SLFN11: variants seen among roughly 807,000 people sequenced by gnomAD.
SLFN11 encodes the protein schlafen family member 11.
SLFN11 carries 43 observed loss-of-function variants against 53.4 expected under a neutral mutation model. The observed-to-expected ratio is 0.80, with a 90% CI of 0.63 to 1.04. The LOEUF (loss-of-function observed/expected upper bound fraction) is 1.04. Ranked by LOEUF, SLFN11 falls within the 50% of genes least tolerant of loss-of-function variation. SLFN11 has a pLI of 0.00. For missense variants in SLFN11, 990 were observed against 1,079.1 expected, an observed-to-expected ratio of 0.92 and a Z score of 1.16; for synonymous variants, 389 against 394.7, an observed-to-expected ratio of 0.99 and a Z score of 0.17.
chr17:35,370,904 C>T (rs184720907), intron 1 of SLFN11, among the ~76,000 whole-genome samples: 1 of 152,188 alleles, frequency 6.6e-6, no homozygotes, highest in East Asian at 1.9e-4. Flanking sequence ...CCAAAGCAAT[C>T]TACAGATTCA....
chr17:35,370,951 C>T (rs1909572789), intron 1 of SLFN11, among the ~76,000 whole-genome samples: 2 of 152,008 alleles, frequency 1.3e-5, no homozygotes, highest in South Asian at 2.1e-4. Flanking sequence ...ACATTCTTCA[C>T]AGAAATAGAA....
In SLFN11 at chr17:35,362,946, G is replaced by A; in HGVS notation, c.862C>T (p.Gln288Ter). 6.2e-7 allele frequency: 1 copy of A among 1,613,162 alleles called. No homozygotes were observed. Among genetic ancestry groups the A allele is most frequent in the Non-Finnish European group, 8.5e-7 (1 of 1,179,670 alleles). Residue 288 changes from glutamine to a stop codon, truncating the protein, a stop_gained, in exon 4 of 7, where the codon CAA becomes TAA. Transcript: ENST00000685675. LOFTEE classifies it high-confidence loss of function. ...GTGAAGGTTATCGGGCGTTGGGGTT[G>A]GCAAAAATGAACACAAGGTAGTTTG... is the stretch of plus-strand genomic sequence containing the variant. ...IYKLPCVHFC[Q>*]PQRPITFTLK...
At chr17:35,367,191 C>A (rs1046529024) in intron 2 of SLFN11, 128 bp from the exon 3 acceptor site, 1 of 152,004 alleles carries the variant, frequency 6.6e-6, no homozygotes, top group African/African-American at 2.4e-5. Flanking sequence ...ATTGAAACAT[C>A]TTTGTCAAGT....
At chr17:35,354,983 G>A (rs765791055) in intron 5 of SLFN11, among the ~76,000 whole-genome samples, 1 of 152,060 alleles carries the variant, frequency 6.6e-6, no homozygotes. Context: ...GACAGTAGGA[G>A]ATAGCATCTA....
Position 35,353,668 on chromosome 17 carries a change from C to T in SLFN11, c.1590G>A (p.Val530=). The change falls in exon 6 of 7, where the codon GTG becomes GTA. Residue 530 remains valine, a synonymous_variant. Transcript: ENST00000685675. ...AGGACGCAGGGTAATCCATCGGAGACACTGCAGCCTCCAAGGCCTCTGCGC... is the reference window on the plus strand; with the variant it reads ...AGGACGCAGGGTAATCCATCGGAGATACTGCAGCCTCCAAGGCCTCTGCGC... ...ESSAEALEAA[V]SPMDYPASYS... The T allele has an allele frequency of 8.2e-7, 1 of 1,215,966 alleles. No individual in the cohort carries two copies. The highest frequency in any genetic ancestry group is 1.1e-6 in the Non-Finnish European group (1 of 901,422). 75.3% of individuals were successfully genotyped at this position (1,215,966 alleles called of 1,614,324 possible). A position where few individuals can be genotyped will look rare whatever the true frequency, so the allele number is the denominator to read the frequency against.
chr17:35,368,745 T>A (rs1261846621), intron 1 of SLFN11, among the ~76,000 whole-genome samples: 3 of 151,900 alleles, frequency 2.0e-5, no homozygotes, highest in African/African-American at 7.3e-5. Context: ...TTCCTTCCAT[T>A]TGAGGAGAGA....
intron 5 of SLFN11, among the ~76,000 whole-genome samples, chr17:35,356,375 T>A (rs2141939587): frequency 6.6e-6 from 1 of 152,276 alleles, no homozygotes; most frequent in African/African-American, 2.4e-5. Context: ...TAACTTTAGT[T>A]AATATATTCC....
intron 5 of SLFN11, among the ~76,000 whole-genome samples, chr17:35,354,497 C>A (rs991663775): frequency 1.3e-5 from 2 of 152,178 alleles, no homozygotes; most frequent in African/African-American, 4.8e-5. Flanking sequence ...CCCTCCTCCA[C>A]TGCCACAGGA....
intron 4 of SLFN11, 31 bp downstream of exon 4, chr17:35,362,708 G>A (rs1167814790): frequency 6.7e-7 from 1 of 1,502,822 alleles, no homozygotes; most frequent in Non-Finnish European, 8.9e-7. Context: ...ATGTAGAAAG[G>A]ACAGGGAGGG....
chr17:35,356,795 CAT>C, intron 5 of SLFN11, among the ~76,000 whole-genome samples: 3 of 119,266 alleles, frequency 2.5e-5, no homozygotes. Flanking sequence ...GCATATGTAG[CAT>C]ACACACACAC....
chr17:35,360,834 G>A (rs546045592), intron 4 of SLFN11, among the ~76,000 whole-genome samples: 1 of 152,222 alleles, frequency 6.6e-6, no homozygotes, highest in African/African-American at 2.4e-5. Context: ...CTTGGGCACA[G>A]TAGCTTGTGC....
At chr17:35,357,890 T>C (rs1907729626) in intron 5 of SLFN11, among the ~76,000 whole-genome samples, 2 of 146,164 alleles carry the variant, frequency 1.4e-5, no homozygotes, top group Admixed American at 6.9e-5. Context: ...CTATATATTA[T>C]AGTTATATAA....
rs1906527666 is a variant in SLFN11, at chr17:35,350,314, G to C, written c.*2042C>G. On this transcript the variant is annotated 3_prime_UTR_variant, in exon 7 of 7. Coordinates refer to ENST00000685675, the MANE Select transcript of SLFN11 (RefSeq NM_001376007.1). The stretch of plus-strand genomic sequence containing the variant: ...TTATTTTACAAGACCATTTTTTTCA[G>C]TTTAATGAGACACAAACTCTCAACT... The C allele has an allele frequency of 6.6e-6, 1 of 151,878 alleles. No homozygotes were observed. Among genetic ancestry groups the C allele is most frequent in the African/African-American group, 2.4e-5 (1 of 41,316 alleles). 9.4% of individuals were successfully genotyped at this position (151,878 alleles called of 1,614,324 possible).
chr17:35,368,565 C>G (rs1909248666), intron 1 of SLFN11, among the ~76,000 whole-genome samples: 1 of 151,994 alleles, frequency 6.6e-6, no homozygotes, highest in South Asian at 2.1e-4. Context: ...GCATTCTAGG[C>G]CACAAGGACT....
In SLFN11 at chr17:35,350,497, C is replaced by A. The variant is rs1415944119; in HGVS notation, c.*1859G>T. ...AAATATTGTTAGTGGGGCAATAAAT[C>A]ATAAAGAGATACAACCAGTCGAAAT... On this transcript the variant is annotated 3_prime_UTR_variant, in exon 7 of 7. Transcript: ENST00000685675. 6.6e-6 allele frequency: 1 copy of A among 152,074 alleles called. No homozygotes were observed. Among genetic ancestry groups the A allele is most frequent in the African/African-American group, 2.4e-5 (1 of 41,396 alleles). 9.4% of individuals were successfully genotyped at this position (152,074 alleles called of 1,614,324 possible). A position where few individuals can be genotyped will look rare whatever the true frequency, so the allele number is the denominator to read the frequency against.
chr17:35,359,600 C>T (rs760365909), intron 5 of SLFN11, among the ~76,000 whole-genome samples: 1 of 152,114 alleles, frequency 6.6e-6, no homozygotes, highest in African/African-American at 2.4e-5. Flanking sequence ...AGGCGTTGAC[C>T]TTGGTCCTGA....
chr17:35,365,608 T>C lies in SLFN11; in HGVS notation c.-20+1339A>G, dbSNP rs150155111. Among the ~76,000 whole-genome samples the C allele has an allele frequency of 3.8e-4, 58 of 152,256 alleles. 1 individual carries two copies. The highest frequency in any genetic ancestry group is 1.2e-3 in the African/African-American group (51 of 41,568). On this transcript the variant is annotated intron_variant, in intron 3 of 6. Transcript: ENST00000685675. The stretch of plus-strand genomic sequence containing the variant: ...CAATGCCCAGCTGACAAAAACATTT[T>C]AATAATAGAATGGAGACAGTTTGAA...
rs768927227 is a variant in SLFN11 at position 35,363,070 on chromosome 17, A to C, written c.738T>G (p.Leu246=). 1 of 1,613,928 alleles carries C rather than the reference A, an allele frequency of 6.2e-7. No individual in the cohort carries two copies. The highest frequency in any genetic ancestry group is 1.3e-5 in the African/African-American group (1 of 74,914). ...PAFANTGGGY[L]FIGVDDKSRE... The stretch of plus-strand genomic sequence containing the variant: ...TACTCTTATCATCCACTCCAATAAA[A>C]AGATAGCCTCCTCCAGTGTTTGCAA... The change falls in exon 4 of 7, where the codon CTT becomes CTG. Residue 246 remains leucine, a synonymous_variant. Transcript: ENST00000685675.
Position 35,352,232 on chromosome 17 carries a change from A to C in SLFN11, c.*124T>G. The C allele has an allele frequency of 8.0e-7, 1 of 1,243,150 alleles. No individual in the cohort carries two copies. The highest frequency in any genetic ancestry group is 2.4e-5 in the East Asian group (1 of 42,428). 77.0% of individuals were successfully genotyped at this position (1,243,150 alleles called of 1,614,324 possible). ...CTGAAAGGAGAGCCAGAAATGGGGG[A>C]GCTCCAAACTCTTTGTGTCAGCTCC... On this transcript the variant is annotated 3_prime_UTR_variant, in exon 7 of 7. Coordinates refer to ENST00000685675, the MANE Select transcript of SLFN11 (RefSeq NM_001376007.1).
Sources: gnomAD v4.1 joint callset for allele counts (sites outside exome capture counted in the v4.1 genomes callset) on GRCh38, gnomAD v4.1.1 for gene constraint, MANE v1.5 for transcripts, NCBI Gene and HGNC (gene_info 2026-07-23, HGNC 2026-07-21) for gene names.